The following FGFR1 variants were observed in gnomAD, a reference collection of about 807,000 sequenced individuals.
FGFR1 encodes FGFR1/PLAG1 fusion.
A neutral mutation model predicts 93.7 loss-of-function variants in FGFR1; 18 were observed. The ratio of observed to expected loss-of-function variants is 0.19; its 90% CI spans 0.13 to 0.28. FGFR1 has a LOEUF of 0.28. Ranked by LOEUF, FGFR1 falls within the 10% of genes least tolerant of loss-of-function variation. The pLI is 1.00. For synonymous variants in FGFR1, 448 were observed against 429.3 expected, an observed-to-expected ratio of 1.04 and a Z score of -0.54; for missense variants, 731 against 1,080.4, an observed-to-expected ratio of 0.68 and a Z score of 4.53.
Position 38,429,630 on chromosome 8 carries a change from G to A in FGFR1, c.358+52C>T, listed in dbSNP as rs2150952168. ...ACCTTCCTCTGAAACTGGCAGAGAGGGCTGGAGGGGGTGGGTCTAGGGAGG... is the reference window on the plus strand; with the variant it reads ...ACCTTCCTCTGAAACTGGCAGAGAGAGCTGGAGGGGGTGGGTCTAGGGAGG... On this transcript the variant is annotated intron_variant, in intron 3 of 17. Transcript: ENST00000447712. This position sits in a 1 kb window ranked among gnomAD's most constrained non-coding sequence, Gnocchi z 4.4. 1 of 1,539,444 alleles carries A rather than the reference G, an allele frequency of 6.5e-7. No individual in the cohort carries two copies. Among genetic ancestry groups the A allele is most frequent in the Non-Finnish European group, 8.8e-7 (1 of 1,137,758 alleles).
chr8:38,413,948 C>T lies in FGFR1; in HGVS notation c.2262G>A (p.Leu754=), dbSNP rs56341011. The T allele has an allele frequency of 9.6e-3, 15,440 of 1,614,082 alleles. 101 individuals are homozygous for T. The highest frequency in any genetic ancestry group is 0.012 in the Admixed American group (715 of 60,012). ...RPTFKQLVED[L]DRIVALTSNQ... ...TGGAGGTCAAGGCCACGATGCGGTC[C>T]AGGTCTTCCACCAGCTGCTTGAAGG... The change falls in exon 17 of 18, where the codon CTG becomes CTA. Residue 754 remains leucine, a synonymous_variant. Transcript: ENST00000447712. The surrounding 1 kb of genome is among the most constrained non-coding windows in gnomAD (Gnocchi z 4.2).
rs781328162 is a variant in FGFR1 at position 38,413,714 on chromosome 8, C to A, written c.2383G>T (p.Val795Phe). 1 of 1,613,958 alleles carries A rather than the reference C, an allele frequency of 6.2e-7. No individual in the cohort carries two copies. The highest frequency in any genetic ancestry group is 8.5e-7 in the Non-Finnish European group (1 of 1,179,964). The change falls in exon 18 of 18, where the codon GTC (valine) becomes TTC (phenylalanine). Residue 795 changes from valine (V) to phenylalanine (F), a missense_variant. Val to Phe is a conservative substitution (Grantham distance 50). Coordinates refer to ENST00000447712, the MANE Select transcript of FGFR1 (RefSeq NM_023110.3). This position sits in a 1 kb window ranked among gnomAD's most constrained non-coding sequence, Gnocchi z 4.2. The stretch of plus-strand genomic sequence containing the variant: ...TCGGGCAGCGGCTCATGAGAGAAGA[C>A]GGAATCCTCCCCTGAGGAGCACGTA... ...SSTCSSGEDS[V>F]FSHEPLPEEP...
chr8:38,419,804 G>A (rs2150719749), intron 8 of FGFR1, 69 bp from the exon 9 acceptor site: 2 of 1,356,760 alleles, frequency 1.5e-6, no homozygotes, highest in Non-Finnish European at 1.0e-6. Context: ...CGCTCCATTA[G>A]AAAAGCAACA....
chr8:38,444,051 C>CAAAAA (rs746296068), intron 2 of FGFR1, among the ~76,000 whole-genome samples: 16 of 74,348 alleles, frequency 2.2e-4, no homozygotes, highest in East Asian at 1.8e-3. Flanking sequence ...GAAACTGTCT[C>CAAAAA]AAAAAAAAAA....
chr8:38,419,273 G>A (rs1817847791), intron 9 of FGFR1, among the ~76,000 whole-genome samples: 1 of 151,574 alleles, frequency 6.6e-6, no homozygotes. Flanking sequence ...TGCACATTCT[G>A]TCCAAATAGG....
At chr8:38,428,476 C>A (rs1203167763) in intron 3 of FGFR1, 41 bp from the exon 4 acceptor site, 3 of 1,534,526 alleles carry the variant, frequency 2.0e-6, no homozygotes, top group African/African-American at 1.4e-5. Flanking sequence ...CTCCTAGGGA[C>A]CCCTAGATTT....
At chr8:38,434,358 T>A in intron 2 of FGFR1, 1 of 246,188 alleles carries the variant, frequency 4.1e-6, no homozygotes, top group Non-Finnish European at 8.2e-6. Context: ...TAACAACCGC[T>A]AATCAGTTTA....
chr8:38,417,271 G>C (rs780835002), intron 12 of FGFR1, 35 bp downstream of exon 12: 2 of 1,539,108 alleles, frequency 1.3e-6, no homozygotes, highest in Admixed American at 3.3e-5. Flanking sequence ...TCTTCTCCCC[G>C]CTGGGCAGGG....
chr8:38,414,437 A>G, intron 15 of FGFR1, 122 bp downstream of exon 15: 2 of 1,535,260 alleles, frequency 1.3e-6, no homozygotes, highest in Non-Finnish European at 1.8e-6. Flanking sequence ...GGCCACAGAC[A>G]ATGTTTTGTT....
At chr8:38,422,087 A>G in intron 7 of FGFR1, 146 bp from the exon 8 acceptor site, 1 of 940,568 alleles carries the variant, frequency 1.1e-6, no homozygotes, top group Non-Finnish European at 1.6e-6. Context: ...ACAAACGAAA[A>G]CCACCAGGCA....
At chr8:38,422,998 A>G (rs768714156) in intron 7 of FGFR1, 1 of 778,878 alleles carries the variant, frequency 1.3e-6, no homozygotes, top group Non-Finnish European at 2.4e-6. Context: ...AATCCCCAGC[A>G]CAGGGTCCCA....
rs17175764 is a variant in FGFR1 at position 38,457,146 on chromosome 8, C to T, written c.91+210G>A. ...ATGGATGTCACCAGCCTTCATGACC[C>T]CAACCTCTGATGAAGTCAGTTATGT... is the stretch of plus-strand genomic sequence containing the variant. On this transcript the variant is annotated intron_variant, in intron 2 of 17. Transcript: ENST00000447712. Among the ~76,000 whole-genome samples the T allele has an allele frequency of 1.3e-3, 193 of 152,320 alleles. 1 individual carries two copies. Among genetic ancestry groups the T allele is most frequent in the African/African-American group, 4.0e-3 (166 of 41,574 alleles).
chr8:38,460,441 G>T (rs893139750), intron 1 of FGFR1, among the ~76,000 whole-genome samples: 2 of 152,102 alleles, frequency 1.3e-5, no homozygotes, highest in African/African-American at 4.8e-5. Flanking sequence ...GGTTCCAATG[G>T]GAAAGAGTGG....
intron 1 of FGFR1, among the ~76,000 whole-genome samples, chr8:38,459,958 A>C (rs3758101): frequency 0.72 from 110,171 of 152,010 alleles, 40,457 homozygotes; most frequent in Admixed American, 0.8. Context: ...CTGAGGCGGG[A>C]GTATCACCTG....
Position 38,413,551 on chromosome 8 carries a change from A to G in FGFR1, c.*77T>C. On this transcript the variant is annotated 3_prime_UTR_variant, in exon 18 of 18. Transcript: ENST00000447712. The surrounding 1 kb of genome is among the most constrained non-coding windows in gnomAD (Gnocchi z 4.2). ...AGCAGGAAAGGGGACAGGGACGGAC[A>G]GGTGGTGGGCCCAGCAGGGGCTGTG... 1 of 1,475,214 alleles carries G rather than the reference A, an allele frequency of 6.8e-7. No individual in the cohort carries two copies. The highest frequency in any genetic ancestry group is 2.4e-5 in the East Asian group (1 of 42,078). The allele number at this position is 1,475,214 out of a possible 1,614,324, so 91.4% of individuals were successfully genotyped here.
At position 38,415,788 on chromosome 8, in the gene FGFR1, A is replaced by G; in HGVS notation, c.1854+82T>C. 2.1e-6 allele frequency: 3 copies of G among 1,396,984 alleles called. No homozygotes were observed. In the East Asian group the frequency reaches 7.0e-5, roughly 33 times the overall value. 86.5% of individuals were successfully genotyped at this position (1,396,984 alleles called of 1,614,324 possible). On this transcript the variant is annotated intron_variant, in intron 13 of 17. Transcript: ENST00000447712. ...TCAGTGCATCCACAACGCCACCACAAGATGATAAGTCACAGGCTGGAAGAC... is the reference window on the plus strand; with the variant it reads ...TCAGTGCATCCACAACGCCACCACAGGATGATAAGTCACAGGCTGGAAGAC...
At chr8:38,451,360 A>G (rs1387969819) in intron 2 of FGFR1, among the ~76,000 whole-genome samples, 1 of 151,964 alleles carries the variant, frequency 6.6e-6, no homozygotes, top group African/African-American at 2.4e-5. Flanking sequence ...AGGGTGTCCC[A>G]CTACCAAACC....
chr8:38,427,585 A>G (rs1821248193), intron 5 of FGFR1, among the ~76,000 whole-genome samples: 2 of 152,176 alleles, frequency 1.3e-5, no homozygotes, highest in South Asian at 2.1e-4. Flanking sequence ...CAGCCAAATT[A>G]TGGGATTTTA....
intron 5 of FGFR1, among the ~76,000 whole-genome samples, chr8:38,427,121 AT>A (rs1356821326): frequency 1.3e-5 from 2 of 151,670 alleles, no homozygotes; most frequent in African/African-American, 4.8e-5. Flanking sequence ...AAAAAAAAAA[AT>A]GCTTACACCC....
Sources: gnomAD v4.1 joint callset for allele counts (sites outside exome capture counted in the v4.1 genomes callset) on GRCh38, gnomAD v4.1.1 for gene constraint, Gnocchi (gnomAD v3.1) non-coding constraint, MANE v1.5 for transcripts, NCBI Gene and HGNC (gene_info 2026-07-23, HGNC 2026-07-21) for gene names.